The following SLCO6A1 variants were observed in gnomAD, a reference collection of about 807,000 sequenced individuals.
The protein encoded by SLCO6A1 is cancer/testis antigen 48.
In SLCO6A1, 65 loss-of-function variants were observed where a neutral mutation model predicts 72.7. The observed-to-expected ratio is 0.89, with a 90% CI of 0.73 to 1.10. SLCO6A1 has a LOEUF of 1.10. Ranked by LOEUF, SLCO6A1 falls within the 50% of genes least tolerant of loss-of-function variation. SLCO6A1 has a pLI of 0.00. For synonymous variants in SLCO6A1, 314 were observed against 298.2 expected, an observed-to-expected ratio of 1.05 and a Z score of -0.55; for missense variants, 874 against 872.6, an observed-to-expected ratio of 1.00 and a Z score of -0.02.
intron 7 of SLCO6A1, among the ~76,000 whole-genome samples, chr5:102,429,072 T>A (rs1374290924): frequency 1.3e-5 from 2 of 152,218 alleles, no homozygotes; most frequent in Non-Finnish European, 2.9e-5. Context: ...TTCATATGAC[T>A]GTTGGCCACA....
chr5:102,411,019 G>A (rs769962914), intron 9 of SLCO6A1, among the ~76,000 whole-genome samples: 2 of 152,168 alleles, frequency 1.3e-5, no homozygotes, highest in African/African-American at 4.8e-5. Context: ...CAAAAGGATA[G>A]TATTCGTCAA....
At chr5:102,388,933 T>C (rs1048467648) in intron 11 of SLCO6A1, 108 bp from the exon 12 acceptor site, 34 of 954,912 alleles carry the variant, frequency 3.6e-5, no homozygotes, top group South Asian at 1.9e-5. Flanking sequence ...ATTCAAAACA[T>C]ATCACTTAAA....
At chr5:102,378,712 T>C (rs950623913) in intron 12 of SLCO6A1, among the ~76,000 whole-genome samples, 1 of 152,162 alleles carries the variant, frequency 6.6e-6, no homozygotes, top group Non-Finnish European at 1.5e-5. Flanking sequence ...TTCATTTTCA[T>C]TGTTGTACAA....
In SLCO6A1 at chr5:102,458,452, T is replaced by G. The variant is rs1425166796; in HGVS notation, c.1061A>C (p.His354Pro). Residue 354 changes from histidine to proline, a missense_variant, in exon 6 of 14, where the codon CAT becomes CCT. By Grantham distance (77) the His-to-Pro change is moderately conservative. Transcript: ENST00000506729. Reference sequence around the variant, plus strand: ...ATCTTTAAGTCTGCTGTCAAAAAAATGAAGCTGTTTACGTTTCCTAGCTTT... The same window carrying G: ...ATCTTTAAGTCTGCTGTCAAAAAAAGGAAGCTGTTTACGTTTCCTAGCTTT... ...RIKARKRKQLHFFDSRLKDLK... is the reference protein window; with the variant it reads ...RIKARKRKQLPFFDSRLKDLK... 1.2e-6 allele frequency: 2 copies of G among 1,612,862 alleles called. No homozygotes were observed. The highest frequency in any genetic ancestry group is 2.7e-5 in the African/African-American group (2 of 74,888).
chr5:102,434,554 G>A (rs1458596832), intron 7 of SLCO6A1, among the ~76,000 whole-genome samples: 1 of 152,140 alleles, frequency 6.6e-6, no homozygotes, highest in African/African-American at 2.4e-5. Flanking sequence ...TCTTCTTCCA[G>A]CACACATGAA....
chr5:102,411,824 T>C (rs1748000515), intron 9 of SLCO6A1, among the ~76,000 whole-genome samples: 2 of 152,164 alleles, frequency 1.3e-5, no homozygotes, highest in Admixed American at 1.3e-4. Context: ...AAAGCAGTCC[T>C]TTGTGGGGGG....
intron 6 of SLCO6A1, among the ~76,000 whole-genome samples, chr5:102,455,144 G>C (rs182475002): frequency 6.6e-6 from 1 of 151,412 alleles, no homozygotes; most frequent in South Asian, 2.1e-4. Flanking sequence ...GAGAGACAAT[G>C]ACATTTTAAA....
At chr5:102,380,489 G>C (rs778208252) in intron 12 of SLCO6A1, among the ~76,000 whole-genome samples, 5 of 151,902 alleles carry the variant, frequency 3.3e-5, no homozygotes, top group Non-Finnish European at 5.9e-5. Context: ...TTTTCCCCAG[G>C]AGGAAAAAAT....
intron 10 of SLCO6A1, among the ~76,000 whole-genome samples, chr5:102,394,111 G>A (rs1746925943): frequency 6.6e-6 from 1 of 152,108 alleles, no homozygotes; most frequent in Admixed American, 6.6e-5. Context: ...ACCTCTGAAA[G>A]CTTCTGCTCT....
chr5:102,449,224 C>G (rs1309100876), intron 6 of SLCO6A1, among the ~76,000 whole-genome samples: 1 of 152,128 alleles, frequency 6.6e-6, no homozygotes, highest in Non-Finnish European at 1.5e-5. Flanking sequence ...TTTCTGCTGA[C>G]AGGTCTACCG....
intron 4 of SLCO6A1, among the ~76,000 whole-genome samples, chr5:102,473,817 TCAGTTGTGTTTC>T (rs1751754637): frequency 6.6e-6 from 1 of 151,832 alleles, no homozygotes; most frequent in Admixed American, 6.6e-5. Context: ...CACACAAATA[TCAGTTGTGTTTC>T]CATACACTGA....
At chr5:102,477,625 T>C (rs1234222147) in intron 3 of SLCO6A1, 51 bp downstream of exon 3, 18 of 1,531,236 alleles carry the variant, frequency 1.2e-5, no homozygotes, top group African/African-American at 2.8e-5. Flanking sequence ...CATACCAAAA[T>C]TCAAAGAAAA....
At chr5:102,387,596 G>C (rs1457920391) in intron 12 of SLCO6A1, among the ~76,000 whole-genome samples, 1 of 151,750 alleles carries the variant, frequency 6.6e-6, no homozygotes, top group Non-Finnish European at 1.5e-5. Context: ...TCCAGTGTAG[G>C]TCAAGCTTGC....
At chr5:102,463,839 T>C (rs1218855460) in intron 4 of SLCO6A1, among the ~76,000 whole-genome samples, 1 of 151,240 alleles carries the variant, frequency 6.6e-6, no homozygotes, top group Non-Finnish European at 1.5e-5. Context: ...TGAGTCGAGA[T>C]TGCGCCATTG....
chr5:102,406,744 C>CT (rs1747690379), intron 9 of SLCO6A1, among the ~76,000 whole-genome samples: 1 of 151,532 alleles, frequency 6.6e-6, no homozygotes, highest in African/African-American at 2.4e-5. Context: ...GATTTGTATT[C>CT]TAAAAAAAAA....
chr5:102,390,228 T>C (rs1376559020), intron 11 of SLCO6A1, among the ~76,000 whole-genome samples: 1 of 152,208 alleles, frequency 6.6e-6, no homozygotes, highest in Non-Finnish European at 1.5e-5. Flanking sequence ...AAACTTCCTG[T>C]GTACTGACTG....
At chr5:102,440,549 C>T (rs192607326) in intron 6 of SLCO6A1, among the ~76,000 whole-genome samples, 2 of 152,100 alleles carry the variant, frequency 1.3e-5, no homozygotes, top group African/African-American at 4.8e-5. Context: ...ATAAAGTGCA[C>T]AATAAATGCC....
At chr5:102,447,714 G>A (rs1171979837) in intron 6 of SLCO6A1, among the ~76,000 whole-genome samples, 1 of 152,030 alleles carries the variant, frequency 6.6e-6, no homozygotes, top group Non-Finnish European at 1.5e-5. Flanking sequence ...GAGGTTAGTG[G>A]TAATTTCCCC....
intron 4 of SLCO6A1, among the ~76,000 whole-genome samples, chr5:102,470,219 G>A (rs1751534151): frequency 6.6e-6 from 1 of 152,152 alleles, no homozygotes; most frequent in Non-Finnish European, 1.5e-5. Context: ...GATTGGAATA[G>A]TTTCAGAAGG....
Sources: gnomAD v4.1 joint callset for allele counts (sites outside exome capture counted in the v4.1 genomes callset) on GRCh38, gnomAD v4.1.1 for gene constraint, MANE v1.5 for transcripts, NCBI Gene and HGNC (gene_info 2026-07-23, HGNC 2026-07-21) for gene names.